SRRM2: variants seen among roughly 807,000 people sequenced by gnomAD.
The protein encoded by SRRM2 is serine/arginine repetitive matrix protein 2.
A neutral mutation model predicts 213.8 loss-of-function variants in SRRM2; 30 were observed. The observed-to-expected ratio is 0.14, with a 90% CI of 0.10 to 0.19. The LOEUF (loss-of-function observed/expected upper bound fraction) is 0.19. SRRM2 is among the 10% of genes least tolerant of loss of function. The pLI is 1.00. For synonymous variants in SRRM2, 2,025 were observed against 1,377.7 expected (o/e 1.47, Z -10.40); for missense variants, 4,904 against 3,647.0 (o/e 1.34, Z -8.88).
At position 2,765,468 on chromosome 16, in the gene SRRM2, C is replaced by A; in HGVS notation, c.4940C>A (p.Pro1647His). The A allele has an allele frequency of 6.2e-7, 1 of 1,614,194 alleles. No individual in the cohort carries two copies. The highest frequency in any genetic ancestry group is 1.6e-4 in the Middle Eastern group (1 of 6,062). The change falls in exon 11 of 15, where the codon CCT becomes CAT. Residue 1647 changes from proline to histidine, a missense_variant. Physicochemically the swap from Pro to His is moderately conservative, Grantham distance 77 (BLOSUM62 -2). Coordinates refer to ENST00000301740, the MANE Select transcript of SRRM2 (RefSeq NM_016333.4). ...GGTTCATCAAGCAAAGGCAGAGGCC[C>A]TTCTCCTGAAGGAAGCAGCAGTACC... ...RSGSSSKGRG[P>H]SPEGSSSTES...
chr16:2,759,842 CTTT>C, intron 9 of SRRM2, 181 bp downstream of exon 9: 1 of 453,344 alleles, frequency 2.2e-6, no homozygotes, highest in Non-Finnish European at 3.9e-6. Context: ...TTCCCCTTCT[CTTT>C]TTTTTTTTGT....
At position 2,771,097 on chromosome 16, in the gene SRRM2, G is replaced by GGGGGGCA; in HGVS notation, c.*230_*231insGGGGGCA. ...GTTCTGGGGGGTTTGGGGTGGGAGG[G>GGGGGGCA]AATGCAGATGGGAGTTGGGGGAGGG... On this transcript the variant is annotated 3_prime_UTR_variant, in exon 15 of 15. Coordinates refer to ENST00000301740, the MANE Select transcript of SRRM2 (RefSeq NM_016333.4). 5.9e-6 allele frequency: 2 copies of GGGGGGCA among 336,626 alleles called. No homozygotes were observed. Among genetic ancestry groups the GGGGGGCA allele is most frequent in the Non-Finnish European group, 1.1e-5 (2 of 174,696 alleles). 20.9% of individuals were successfully genotyped at this position (336,626 alleles called of 1,614,324 possible). A position where few individuals can be genotyped will look rare whatever the true frequency, so the allele number is the denominator to read the frequency against.
intron 1 of SRRM2, among the ~76,000 whole-genome samples, chr16:2,756,053 G>T (rs1596260438): frequency 1.3e-5 from 2 of 152,302 alleles, no homozygotes; most frequent in Middle Eastern, 6.8e-3. Flanking sequence ...GGAAAAAGAA[G>T]AAAATTTAGG....
chr16:2,770,034 T>C, intron 12 of SRRM2: 1 of 838,260 alleles, frequency 1.2e-6, no homozygotes, highest in African/African-American at 1.7e-5. Context: ...CATGTCCCCC[T>C]CCCTTGGGTC....
Position 2,759,552 on chromosome 16 carries a change from TG to T in SRRM2, c.741-15del. 1.2e-6 allele frequency: 2 copies of T among 1,613,720 alleles called. No individual in the cohort carries two copies. The highest frequency in any genetic ancestry group is 1.7e-6 in the Non-Finnish European group (2 of 1,179,674). The stretch of plus-strand genomic sequence containing the variant: ...GGTACAGCAGTACCCTGAGCTGTGG[TG>T]GTGGTCTTCCTTCAGGTCTCGAAGT... On this transcript the variant is annotated splice_polypyrimidine_tract_variant and intron_variant, in intron 8 of 14. Transcript: ENST00000301740.
Position 2,766,123 on chromosome 16 carries a change from A to G in SRRM2, c.5595A>G (p.Arg1865=), listed in dbSNP as rs750581324. The G allele has an allele frequency of 1.9e-6, 3 of 1,613,958 alleles. No homozygotes were observed. Among genetic ancestry groups the G allele is most frequent in the Admixed American group, 1.7e-5 (1 of 60,004 alleles). Reference sequence around the variant, plus strand: ...CACCAGCCCCGTGGAAACGCTCTAGATCTCGAGCCTCTCCAGCCACTCACC... The same window carrying G: ...CACCAGCCCCGTGGAAACGCTCTAGGTCTCGAGCCTCTCCAGCCACTCACC... ...RTSPAPWKRS[R]SRASPATHRR... is the part of the protein sequence containing the mutation. Residue 1865 remains arginine (R), a synonymous_variant, in exon 11 of 15, where the codon AGA becomes AGG. Coordinates refer to ENST00000301740, the MANE Select transcript of SRRM2 (RefSeq NM_016333.4). This position sits in a 1 kb window ranked among gnomAD's most constrained non-coding sequence, Gnocchi z 7.0.
rs188772095 is a variant in SRRM2 at position 2,768,252 on chromosome 16, C to T, written c.7724C>T (p.Ala2575Val). The T allele has an allele frequency of 3.2e-6, 5 of 1,552,332 alleles. No homozygotes were observed. The Admixed American group carries it at 8.0e-5, about 25-fold the overall frequency. ...AGCCTTCCTGTGCAACCTGAGGTGG[C>T]ACTGAAGAGGTGAGGGAGCTTGACT... ...GSSLPVQPEVALKRVPSPTPA... is the reference protein window; with the variant it reads ...GSSLPVQPEVVLKRVPSPTPA... Residue 2575 changes from alanine (A) to valine (V), a missense_variant, in exon 11 of 15, where the codon GCA becomes GTA. By Grantham distance (64) the Ala-to-Val change is moderately conservative (BLOSUM62 0). Coordinates refer to ENST00000301740, the MANE Select transcript of SRRM2 (RefSeq NM_016333.4).
rs1337054837 is a variant in SRRM2, at chr16:2,762,390, C to T, written c.1862C>T (p.Ala621Val). The part of the protein sequence containing the change: ...RRGRSRSRTP[A>V]RRRSRTRSPV... ...GGCAGGTCTCGGTCTAGAACACCTG[C>T]TAGGCGCAGATCTAGGACCCGATCA... is the stretch of plus-strand genomic sequence containing the variant. The change falls in exon 11 of 15, where the codon GCT (alanine) becomes GTT (valine). Residue 621 changes from alanine (A) to valine (V), a missense_variant. Transcript: ENST00000301740. 2 of 1,614,014 alleles carry T rather than the reference C, an allele frequency of 1.2e-6. No individual in the cohort carries two copies. The highest frequency in any genetic ancestry group is 1.7e-6 in the Non-Finnish European group (2 of 1,180,006).
At position 2,762,706 on chromosome 16, in the gene SRRM2, A is replaced by G; in HGVS notation, c.2178A>G (p.Ser726=). Residue 726 remains serine (S), a synonymous_variant, in exon 11 of 15, where the codon TCA becomes TCG. Coordinates refer to ENST00000301740, the MANE Select transcript of SRRM2 (RefSeq NM_016333.4). The part of the protein sequence containing the change: ...RTPQRRGRSG[S]SSERKNKSRT... ...CTCAAAGAAGAGGCAGATCTGGCTC[A>G]TCTTCAGAGCGGAAAAACAAATCCA... 6.2e-7 allele frequency: 1 copy of G among 1,614,234 alleles called. No homozygotes were observed. The highest frequency in any genetic ancestry group is 8.5e-7 in the Non-Finnish European group (1 of 1,180,040).
rs1007520872 is a variant in SRRM2, at chr16:2,770,684, C to T, written c.8216C>T (p.Pro2739Leu). ...AGCCACAAGCGCAGGAGGGAGACAC[C>T]TAGCCCTCGGCCCATGAGACACCGC... ...SPSHKRRRET[P>L]SPRPMRHRSS... The change falls in exon 14 of 15, where the codon CCT (proline) becomes CTT (leucine). Residue 2739 changes from proline to leucine, a missense_variant. Physicochemically the swap from Pro to Leu is moderately conservative, Grantham distance 98. Transcript: ENST00000301740. 1 of 1,556,500 alleles carries T rather than the reference C, an allele frequency of 6.4e-7. No individual in the cohort carries two copies. The highest frequency in any genetic ancestry group is 1.9e-5 in the Admixed American group (1 of 51,654).
At position 2,767,434 on chromosome 16, in the gene SRRM2, C is replaced by G. The variant is rs753029892; in HGVS notation, c.6906C>G (p.Thr2302=). The change falls in exon 11 of 15, where the codon ACC becomes ACG. Residue 2302 remains threonine, a synonymous_variant. Coordinates refer to ENST00000301740, the MANE Select transcript of SRRM2 (RefSeq NM_016333.4). ...APAVNLAGAR[T]PAALAALSLT... Reference sequence around the variant, plus strand: ...CTGTGAACCTAGCAGGGGCCAGAACCCCAGCTGCCTTGGCAGCTCTGAGTC... The same window carrying G: ...CTGTGAACCTAGCAGGGGCCAGAACGCCAGCTGCCTTGGCAGCTCTGAGTC... 4 of 1,614,172 alleles carry G rather than the reference C, an allele frequency of 2.5e-6. No individual in the cohort carries two copies. The South Asian group carries it at 4.4e-5, about 18-fold the overall frequency.
rs1351974974 is a variant in SRRM2 at position 2,764,112 on chromosome 16, G to A, written c.3584G>A (p.Arg1195Lys). ...DKFSPFPVQDRPESSLVFKDT... is the reference protein window; with the variant it reads ...DKFSPFPVQDKPESSLVFKDT... ...TTTAGTCCCTTTCCAGTACAGGATA[G>A]GCCTGAGTCTTCACTGGTATTCAAA... Residue 1195 changes from arginine (R) to lysine (K), a missense_variant, in exon 11 of 15, where the codon AGG becomes AAG. Physicochemically the swap from Arg to Lys is conservative, Grantham distance 26. Coordinates refer to ENST00000301740, the MANE Select transcript of SRRM2 (RefSeq NM_016333.4). 3.7e-6 allele frequency: 6 copies of A among 1,614,150 alleles called. No individual in the cohort carries two copies. The East Asian group carries it at 1.1e-4, about 30-fold the overall frequency.
chr16:2,765,973 G>T lies in SRRM2; in HGVS notation c.5445G>T (p.Arg1815Ser), dbSNP rs777875991. Residue 1815 changes from arginine (R) to serine (S), a missense_variant, in exon 11 of 15, where the codon AGG (arginine) becomes AGT (serine). Arg to Ser is a moderately radical substitution (Grantham distance 110, BLOSUM62 -1). Transcript: ENST00000301740. ...GGTCGCGGGTTACTCGGCGGCGGAGGGGAGGCTCTGGTTATCACTCAAGGT... is the reference window on the plus strand; with the variant it reads ...GGTCGCGGGTTACTCGGCGGCGGAGTGGAGGCTCTGGTTATCACTCAAGGT... The part of the protein sequence containing the change: ...RSRSRVTRRR[R>S]GGSGYHSRSP... The T allele has an allele frequency of 6.2e-7, 1 of 1,614,110 alleles. No individual in the cohort carries two copies. The highest frequency in any genetic ancestry group is 1.1e-5 in the South Asian group (1 of 91,084).
chr16:2,755,906 G>A (rs141522714), intron 1 of SRRM2, among the ~76,000 whole-genome samples: 116 of 152,292 alleles, frequency 7.6e-4, no homozygotes, highest in African/African-American at 2.6e-3. Context: ...GTGACCAGGA[G>A]GCTTTGGTTG....
chr16:2,760,688 C>G (rs1008620195), intron 10 of SRRM2, 189 bp downstream of exon 10: 1 of 623,150 alleles, frequency 1.6e-6, no homozygotes, highest in Non-Finnish European at 2.7e-6. Context: ...GAATTGTGAA[C>G]CCTTTAGAAT....
chr16:2,759,298 T>C, intron 7 of SRRM2, 54 bp from the exon 8 acceptor site: 4 of 1,609,432 alleles, frequency 2.5e-6, no homozygotes, highest in Non-Finnish European at 8.5e-7. Flanking sequence ...TCACTTTTGG[T>C]TTTATTTCCT....
At chr16:2,755,448 G>A (rs1473114055) in intron 1 of SRRM2, among the ~76,000 whole-genome samples, 1 of 152,172 alleles carries the variant, frequency 6.6e-6, no homozygotes, top group Non-Finnish European at 1.5e-5. Flanking sequence ...GAAGGTATGG[G>A]AACGGTTGGA....
rs756919447 is a variant in SRRM2 at position 2,768,207 on chromosome 16, C to G, written c.7679C>G (p.Ser2560Cys). 2 of 1,603,694 alleles carry G rather than the reference C, an allele frequency of 1.2e-6. No homozygotes were observed. The highest frequency in any genetic ancestry group is 1.7e-5 in the Admixed American group (1 of 58,894). Residue 2560 changes from serine (S) to cysteine (C), a missense_variant, in exon 11 of 15, where the codon TCT (serine) becomes TGT (cysteine). Physicochemically the swap from Ser to Cys is moderately radical, Grantham distance 112 (BLOSUM62 -1). Coordinates refer to ENST00000301740, the MANE Select transcript of SRRM2 (RefSeq NM_016333.4). ...TCCTCCTCCTCCTCTGGCTCCAGTT[C>G]TAGTGACTCAGAGGGCTCTAGCCTT... is the stretch of plus-strand genomic sequence containing the variant. ...SSSSSSSGSS[S>C]SDSEGSSLPV... is the part of the protein sequence containing the mutation.
Position 2,757,408 on chromosome 16 carries a change from A to C in SRRM2, c.243-64A>C, listed in dbSNP as rs534783614. Reference sequence around the variant, plus strand: ...GGGGCCCCTTTTGGGAATGAGGGAAATGGAAACCTGGGACTGGGGAAAGTG... The same window carrying C: ...GGGGCCCCTTTTGGGAATGAGGGAACTGGAAACCTGGGACTGGGGAAAGTG... On this transcript the variant is annotated intron_variant, in intron 2 of 14. Coordinates refer to ENST00000301740, the MANE Select transcript of SRRM2 (RefSeq NM_016333.4). 80 of 1,508,310 alleles carry C rather than the reference A, an allele frequency of 5.3e-5. No homozygotes were observed. In the African/African-American group the frequency reaches 1.1e-3, roughly 20 times the overall value. The allele number at this position is 1,508,310 out of a possible 1,614,324, so 93.4% of individuals were successfully genotyped here.
Sources: gnomAD v4.1 joint callset for allele counts (sites outside exome capture counted in the v4.1 genomes callset) on GRCh38, gnomAD v4.1.1 for gene constraint, Gnocchi (gnomAD v3.1) non-coding constraint, MANE v1.5 for transcripts, NCBI Gene and HGNC (gene_info 2026-07-23, HGNC 2026-07-21) for gene names.